Variants in THSD7A observed in about 807,000 individuals in gnomAD.
The protein encoded by THSD7A is thrombospondin type-1 domain-containing protein 7A.
Under a neutral mutation model 231.3 loss-of-function variants are expected in THSD7A, and 96 were observed. That is an observed-to-expected ratio of 0.41 (90% CI 0.35 to 0.49). The LOEUF is 0.49. THSD7A is among the 20% of genes least tolerant of loss of function. The pLI is 0.05. For missense variants in THSD7A, 2,290 were observed against 2,070.2 expected, an observed-to-expected ratio of 1.11 and a Z score of -2.06; for synonymous variants, 940 against 743.3, an observed-to-expected ratio of 1.26 and a Z score of -4.30.
intron 23 of THSD7A, 26 bp downstream of exon 23, chr7:11,401,765 AAGAT>A: frequency 3.9e-6 from 6 of 1,556,132 alleles, no homozygotes; most frequent in Non-Finnish European, 5.2e-6. Context: ...GCTTTTGCTT[AAGAT>A]AGAGTATATG....
chr7:11,620,981 C>G (rs879314926), intron 2 of THSD7A, among the ~76,000 whole-genome samples: 9 of 152,162 alleles, frequency 5.9e-5, no homozygotes, highest in Non-Finnish European at 1.3e-4. Context: ...TCTAGACTAC[C>G]AGCCTCATAA....
chr7:11,788,612 T>G (rs993158990), intron 1 of THSD7A, among the ~76,000 whole-genome samples: 14 of 152,114 alleles, frequency 9.2e-5, no homozygotes, highest in African/African-American at 3.1e-4. Context: ...CATGCCCTTT[T>G]CTATACATCA....
At chr7:11,518,097 C>T (rs1170293600) in intron 6 of THSD7A, among the ~76,000 whole-genome samples, 1 of 152,172 alleles carries the variant, frequency 6.6e-6, no homozygotes, top group African/African-American at 2.4e-5. Flanking sequence ...AGAGCTGAGA[C>T]AACCCCCTGC....
At chr7:11,416,417 C>T (rs1314902129) in intron 17 of THSD7A, among the ~76,000 whole-genome samples, 2 of 152,172 alleles carry the variant, frequency 1.3e-5, no homozygotes, top group African/African-American at 4.8e-5. Flanking sequence ...TAGCATATAG[C>T]CCAATTATTT....
intron 4 of THSD7A, among the ~76,000 whole-genome samples, chr7:11,553,437 G>C (rs1282130301): frequency 6.6e-6 from 1 of 152,056 alleles, no homozygotes; most frequent in East Asian, 1.9e-4. Flanking sequence ...GTGTAATTCA[G>C]TGAATGAAGT....
At chr7:11,741,199 C>T (rs1782101362) in intron 1 of THSD7A, among the ~76,000 whole-genome samples, 1 of 151,880 alleles carries the variant, frequency 6.6e-6, no homozygotes, top group South Asian at 2.1e-4. Flanking sequence ...CATAGCTTTT[C>T]CTCCCGAAGG....
intron 1 of THSD7A, among the ~76,000 whole-genome samples, chr7:11,677,275 T>C (rs547124196): frequency 2.0e-5 from 3 of 151,600 alleles, no homozygotes; most frequent in African/African-American, 7.3e-5. Context: ...AAACACGAAA[T>C]ATGGAAAGGA....
intron 22 of THSD7A, among the ~76,000 whole-genome samples, chr7:11,402,530 A>C (rs1230284919): frequency 6.6e-6 from 1 of 152,222 alleles, no homozygotes; most frequent in East Asian, 1.9e-4. Flanking sequence ...CTACATCCTC[A>C]ATCAACTTCT....
At chr7:11,641,031 G>T (rs1319700334) in intron 1 of THSD7A, among the ~76,000 whole-genome samples, 1 of 152,054 alleles carries the variant, frequency 6.6e-6, no homozygotes, top group Non-Finnish European at 1.5e-5. Context: ...AGTGAAAATA[G>T]TTTTTTGATC....
At chr7:11,397,995 T>A (rs1783254307) in intron 23 of THSD7A, among the ~76,000 whole-genome samples, 1 of 151,072 alleles carries the variant, frequency 6.6e-6, no homozygotes, top group African/African-American at 2.4e-5. Flanking sequence ...AGCATGGTGA[T>A]TCCAATGGTG....
chr7:11,605,596 C>A (rs1046207553), intron 2 of THSD7A, among the ~76,000 whole-genome samples: 3 of 152,098 alleles, frequency 2.0e-5, no homozygotes, highest in Non-Finnish European at 4.4e-5. Context: ...CTCAAGCACT[C>A]AAAAAATATA....
chr7:11,628,728 A>C (rs1217658559), intron 2 of THSD7A, among the ~76,000 whole-genome samples: 1 of 152,198 alleles, frequency 6.6e-6, no homozygotes, highest in Non-Finnish European at 1.5e-5. Flanking sequence ...TTGAATGAAA[A>C]GGTAAATAAG....
chr7:11,602,437 T>C (rs546724413), intron 2 of THSD7A, among the ~76,000 whole-genome samples: 3 of 152,142 alleles, frequency 2.0e-5, no homozygotes, highest in South Asian at 4.1e-4. Context: ...AGCAATTAAG[T>C]TGGAAGCATG....
chr7:11,417,548 C>A lies in THSD7A; in HGVS notation c.3439G>T (p.Asp1147Tyr), dbSNP rs956425680. ...GAGCCCAGGGGCATCTCTTCTGGGTCACAGAGGTAATCCTCTACATGTTCA... is the reference window on the plus strand; with the variant it reads ...GAGCCCAGGGGCATCTCTTCTGGGTAACAGAGGTAATCCTCTACATGTTCA... ...PSEHVEDYLC[D>Y]PEEMPLGSRV... is the part of the protein sequence containing the mutation. The change falls in exon 17 of 28, where the codon GAC (aspartate) becomes TAC (tyrosine). Residue 1147 changes from aspartate (D) to tyrosine (Y), a missense_variant. Coordinates refer to ENST00000423059, the MANE Select transcript of THSD7A (RefSeq NM_015204.3). 2 of 1,613,678 alleles carry A rather than the reference C, an allele frequency of 1.2e-6. No homozygotes were observed. Among genetic ancestry groups the A allele is most frequent in the Non-Finnish European group, 1.7e-6 (2 of 1,179,784 alleles).
chr7:11,654,504 C>T (rs180873388), intron 1 of THSD7A, among the ~76,000 whole-genome samples: 1 of 151,878 alleles, frequency 6.6e-6, no homozygotes, highest in African/African-American at 2.4e-5. Context: ...AGCAATAGAT[C>T]TTATTCAAAA....
intron 9 of THSD7A, 21 bp downstream of exon 9, chr7:11,469,858 T>C (rs1785862839): frequency 2.6e-6 from 4 of 1,533,778 alleles, no homozygotes; most frequent in African/African-American, 2.7e-5. Flanking sequence ...TGAACAGCCT[T>C]CCTAACTCTG....
chr7:11,820,768 T>A, intron 1 of THSD7A: 1 of 1,205,114 alleles, frequency 8.3e-7, no homozygotes, highest in Non-Finnish European at 1.2e-6. Flanking sequence ...AGGAGTGAGA[T>A]GACCGGGAGG....
intron 1 of THSD7A, among the ~76,000 whole-genome samples, chr7:11,657,597 C>T (rs905760413): frequency 2.0e-5 from 3 of 151,792 alleles, no homozygotes; most frequent in Admixed American, 1.3e-4. Flanking sequence ...GGATTTCTCA[C>T]ATTATCTGTC....
intron 1 of THSD7A, among the ~76,000 whole-genome samples, chr7:11,713,703 G>T (rs1005543046): frequency 6.6e-6 from 1 of 151,170 alleles, no homozygotes; most frequent in East Asian, 2.0e-4. Context: ...ATGACAGTTG[G>T]ATTGTAGAGC....
Sources: allele counts gnomAD v4.1 joint callset (sites outside exome capture counted in the v4.1 genomes callset), GRCh38; gene constraint gnomAD v4.1.1; transcripts MANE v1.5; gene names NCBI Gene and HGNC (gene_info 2026-07-23, HGNC 2026-07-21).